Variants in ADAMTS13 observed in about 807,000 individuals in gnomAD.
ADAMTS13 encodes A disintegrin and metalloproteinase with thrombospondin motifs 13.
Under a neutral mutation model 155.1 loss-of-function variants are expected in ADAMTS13, and 110 were observed. That is an observed-to-expected ratio of 0.71 (90% CI 0.61 to 0.83). The LOEUF (loss-of-function observed/expected upper bound fraction) is 0.83. Ranked by LOEUF, ADAMTS13 falls within the 40% of genes least tolerant of loss-of-function variation. The pLI is 0.00. For synonymous variants in ADAMTS13, 758 were observed against 756.4 expected (o/e 1.00, Z -0.03); for missense variants, 1,707 against 1,891.7 (o/e 0.90, Z 1.81).
intron 21 of ADAMTS13, among the ~76,000 whole-genome samples, chr9:133,448,178 C>T (rs868047459): frequency 1.3e-4 from 19 of 151,492 alleles, no homozygotes; most frequent in African/African-American, 3.9e-4. Context: ...TTAGTAGAGA[C>T]GGGGTTTCAC....
At position 133,445,944 on chromosome 9, in the gene ADAMTS13, C is replaced by G; in HGVS notation, c.2731+125C>G. The G allele has an allele frequency of 7.5e-7, 1 of 1,327,886 alleles. No homozygotes were observed. The highest frequency in any genetic ancestry group is 1.5e-5 in the African/African-American group (1 of 67,796). The allele number at this position is 1,327,886 out of a possible 1,614,324, so 82.3% of individuals were successfully genotyped here. ...AGAAAATCCAGACTATATGGGAACA[C>G]GTGGTAATACACAAGGAGACTAAGC... is the stretch of plus-strand genomic sequence containing the variant. On this transcript the variant is annotated intron_variant, in intron 21 of 28. Transcript: ENST00000355699. The surrounding 1 kb of genome is among the most constrained non-coding windows in gnomAD (Gnocchi z 5.0).
intron 11 of ADAMTS13, among the ~76,000 whole-genome samples, chr9:133,435,104 G>C (rs1037858807): frequency 1.3e-5 from 2 of 152,128 alleles, no homozygotes; most frequent in Non-Finnish European, 2.9e-5. Flanking sequence ...GTACATGTTT[G>C]AATCCCTGTT....
chr9:133,454,368 G>T, intron 23 of ADAMTS13, 47 bp from the exon 24 acceptor site: 1 of 1,606,592 alleles, frequency 6.2e-7, no homozygotes. Flanking sequence ...GGGCAGTACT[G>T]TCTCTGGGGA....
rs782752692 is a variant in ADAMTS13, at chr9:133,422,394, C to T, written c.-50C>T. 6.5e-7 allele frequency: 1 copy of T among 1,547,252 alleles called. No homozygotes were observed. Among genetic ancestry groups the T allele is most frequent in the Non-Finnish European group, 8.9e-7 (1 of 1,124,552 alleles). On this transcript the variant is annotated 5_prime_UTR_variant, in exon 1 of 29. Transcript: ENST00000355699. ...TCCATACTGACCAGATTCCCAGTCA[C>T]CAAGGCCCCCTCTCACTCCGCTCCA...
At chr9:133,417,036 A>T (rs1839667420), upstream of ADAMTS13, among the ~76,000 whole-genome samples, 1 of 152,156 alleles carries the variant, frequency 6.6e-6, no homozygotes, top group Non-Finnish European at 1.5e-5. Context: ...TTTGAGATGG[A>T]GTCTCGCTCT....
In ADAMTS13 at chr9:133,444,970, C is replaced by A. The variant is rs1183240937; in HGVS notation, c.2528C>A (p.Thr843Asn). 6.2e-7 allele frequency: 1 copy of A among 1,613,404 alleles called. No homozygotes were observed. Among genetic ancestry groups the A allele is most frequent in the African/African-American group, 1.3e-5 (1 of 74,942 alleles). ...PGADGLEAPV[T>N]EGPGSVDEKL... Reference sequence around the variant, plus strand: ...GCAGATGGCCTGGAGGCTCCAGTGACTGAGGGGCCTGGCTCCGTAGATGAG... The same window carrying A: ...GCAGATGGCCTGGAGGCTCCAGTGAATGAGGGGCCTGGCTCCGTAGATGAG... Residue 843 changes from threonine (T) to asparagine (N), a missense_variant, in exon 20 of 29, where the codon ACT becomes AAT. Thr to Asn is a moderately conservative substitution (Grantham distance 65, BLOSUM62 0). This residue lies in a region of ADAMTS13 where 961 missense variants were observed against 1,107.9 expected (regional missense o/e 0.87). Coordinates refer to ENST00000355699, the MANE Select transcript of ADAMTS13 (RefSeq NM_139027.6).
Position 133,456,535 on chromosome 9 carries a change from C to T in ADAMTS13, c.3548-8C>T. 2 of 1,612,784 alleles carry T rather than the reference C, an allele frequency of 1.2e-6. No homozygotes were observed. Among genetic ancestry groups the T allele is most frequent in the Non-Finnish European group, 8.5e-7 (1 of 1,179,782 alleles). ...GTGCTGGACCCTCACTGCCCTGCCG[C>T]TTCCTAGGGGACATGTTGCTGCTTT... On this transcript the variant is annotated splice_region_variant and splice_polypyrimidine_tract_variant and intron_variant, in intron 26 of 28. Coordinates refer to ENST00000355699, the MANE Select transcript of ADAMTS13 (RefSeq NM_139027.6). The surrounding 1 kb of genome is among the most constrained non-coding windows in gnomAD (Gnocchi z 4.4).
Position 133,422,408 on chromosome 9 carries a change from C to A in ADAMTS13, c.-36C>A. ...ATTCCCAGTCACCAAGGCCCCCTCTCACTCCGCTCCACTCCTCGGGCTGGC... is the reference window on the plus strand; with the variant it reads ...ATTCCCAGTCACCAAGGCCCCCTCTAACTCCGCTCCACTCCTCGGGCTGGC... On this transcript the variant is annotated 5_prime_UTR_variant, in exon 1 of 29. Transcript: ENST00000355699. 1 of 1,592,020 alleles carries A rather than the reference C, an allele frequency of 6.3e-7. No individual in the cohort carries two copies. Among genetic ancestry groups the A allele is most frequent in the Non-Finnish European group, 8.6e-7 (1 of 1,163,152 alleles).
exon 1 of ADAMTS13, chr9:133,414,580 G>T: frequency 8.4e-7 from 1 of 1,189,114 alleles, no homozygotes; most frequent in Non-Finnish European, 1.3e-6. Context: ...AGAGACTGCG[G>T]TGAGGCCACC....
Position 133,443,439 on chromosome 9 carries a change from A to G in ADAMTS13, c.2298A>G (p.Pro766=), listed in dbSNP as rs1554791513. The change falls in exon 19 of 29, where the codon CCA becomes CCG. Residue 766 remains proline, a synonymous_variant. Coordinates refer to ENST00000355699, the MANE Select transcript of ADAMTS13 (RefSeq NM_139027.6). ...GTGGGGGTGGCCTGCGGGAGCGGCC[A>G]GTGCGCTGCGTGGAGGCCCAGGGCA... is the stretch of plus-strand genomic sequence containing the variant. ...ASCGGGLRER[P]VRCVEAQGSL... The G allele has an allele frequency of 1.0e-5, 16 of 1,595,294 alleles. No homozygotes were observed. The highest frequency in any genetic ancestry group is 1.4e-5 in the Non-Finnish European group (16 of 1,176,164).
intron 7 of ADAMTS13, among the ~76,000 whole-genome samples, chr9:133,429,450 C>A (rs1329290283): frequency 2.1e-5 from 3 of 139,866 alleles, no homozygotes; most frequent in African/African-American, 8.2e-5. Flanking sequence ...TACCCTCCTC[C>A]ATCCACCCCT....
chr9:133,454,477 C>T lies in ADAMTS13; in HGVS notation c.3107C>T (p.Ser1036Leu), dbSNP rs142607772. 3.8e-5 allele frequency: 61 copies of T among 1,613,270 alleles called. 1 individual carries two copies. The highest frequency in any genetic ancestry group is 1.6e-4 in the African/African-American group (12 of 74,928). Residue 1036 changes from serine (S) to leucine (L), a missense_variant, in exon 24 of 29, where the codon TCG (serine) becomes TTG (leucine). Around this residue, in one of 3 missense-constraint regions of ADAMTS13, gnomAD observed 961 missense variants for 1,107.9 expected, o/e 0.87. Transcript: ENST00000355699. ...ASCGLGTARRSVACVQLDQGQ... is the reference protein window; with the variant it reads ...ASCGLGTARRLVACVQLDQGQ... ...TGTGGCCTTGGCACTGCTAGACGCTCGGTGGCCTGTGTGCAGCTCGACCAA... is the reference window on the plus strand; with the variant it reads ...TGTGGCCTTGGCACTGCTAGACGCTTGGTGGCCTGTGTGCAGCTCGACCAA...
intron 23 of ADAMTS13, among the ~76,000 whole-genome samples, chr9:133,452,676 TC>T (rs1489105960): frequency 2.6e-5 from 4 of 152,000 alleles, no homozygotes; most frequent in African/African-American, 9.7e-5. Context: ...CCACTGAGCC[TC>T]CCCTCACTTT....
Position 133,443,233 on chromosome 9 carries a change from C to T in ADAMTS13, c.2235-143C>T. 36 of 1,058,154 alleles carry T rather than the reference C, an allele frequency of 3.4e-5. No homozygotes were observed. In the South Asian group the frequency reaches 5.1e-4, roughly 15 times the overall value. 65.5% of individuals were successfully genotyped at this position (1,058,154 alleles called of 1,614,324 possible). The stretch of plus-strand genomic sequence containing the variant: ...TCCTCAGGCTCAGCCGTCTGGCAGC[C>T]TGGGAACACCTGGAGAGGCTAGGCT... On this transcript the variant is annotated intron_variant, in intron 18 of 28. Transcript: ENST00000355699.
At chr9:133,426,103 G>T in intron 5 of ADAMTS13, 41 bp downstream of exon 5, 1 of 1,613,942 alleles carries the variant, frequency 6.2e-7, no homozygotes, top group African/African-American at 1.3e-5. Flanking sequence ...GCCAGCCTGG[G>T]AAGGCTGCTC....
chr9:133,433,271 G>A (rs587745395), intron 9 of ADAMTS13, 107 bp from the exon 10 acceptor site: 3 of 1,492,522 alleles, frequency 2.0e-6, no homozygotes, highest in Non-Finnish European at 2.8e-6. Flanking sequence ...TGGGGTCCCT[G>A]TGTGTGTTGG....
At chr9:133,434,644 A>C (rs1260783183) in intron 11 of ADAMTS13, among the ~76,000 whole-genome samples, 2 of 152,232 alleles carry the variant, frequency 1.3e-5, no homozygotes, top group Non-Finnish European at 2.9e-5. Context: ...TTCATGTAGC[A>C]TGAAATCAAG....
intron 23 of ADAMTS13, among the ~76,000 whole-genome samples, chr9:133,450,416 A>G (rs1045219340): frequency 2.6e-5 from 4 of 151,804 alleles, no homozygotes; most frequent in Non-Finnish European, 5.9e-5. Context: ...TAAAAATACA[A>G]AATTAGCCGG....
chr9:133,424,446 A>G lies in ADAMTS13; in HGVS notation c.298A>G (p.Thr100Ala). 6.2e-7 allele frequency: 1 copy of G among 1,613,896 alleles called. No individual in the cohort carries two copies. Among genetic ancestry groups the G allele is most frequent in the Non-Finnish European group, 8.5e-7 (1 of 1,179,972 alleles). Residue 100 changes from threonine (T) to alanine (A), a missense_variant, in exon 3 of 29, where the codon ACA becomes GCA. By Grantham distance (58) the Thr-to-Ala change is moderately conservative. This residue lies in a region of ADAMTS13 where 733 missense variants were observed against 749.6 expected (regional missense o/e 0.98). Transcript: ENST00000355699. This position sits in a 1 kb window ranked among gnomAD's most constrained non-coding sequence, Gnocchi z 4.3. ...TGTCTTCCAGGCTCACCAGGAGGAC[A>G]CAGAGCGCTATGTGCTCACCAACCT... ...PDVFQAHQED[T>A]ERYVLTNLNI... is the part of the protein sequence containing the mutation.
Sources: allele counts gnomAD v4.1 joint callset (sites outside exome capture counted in the v4.1 genomes callset), GRCh38; gene constraint gnomAD v4.1.1; regional missense constraint gnomAD v4.1.1; non-coding constraint Gnocchi (gnomAD v3.1); transcripts MANE v1.5; gene names NCBI Gene and HGNC (gene_info 2026-07-23, HGNC 2026-07-21).